Variants in XXYLT1 observed in about 807,000 individuals in gnomAD.
The protein encoded by XXYLT1 is UDP-xylose:alpha-xyloside alpha-1,3-xylosyltransferase.
XXYLT1 carries 20 observed loss-of-function variants against 28.9 expected under a neutral mutation model. The ratio of observed to expected loss-of-function variants is 0.69; its 90% CI spans 0.49 to 1.00. The LOEUF is 1.00. XXYLT1 is among the 50% of genes least tolerant of loss of function. The probability of loss-of-function intolerance (pLI) is 0.00; values close to 1 mark genes in which losing one functional copy is unlikely to be tolerated. For missense variants in XXYLT1, 542 were observed against 560.1 expected, an observed-to-expected ratio of 0.97 and a Z score of 0.33; for synonymous variants, 257 against 253.8, an observed-to-expected ratio of 1.01 and a Z score of -0.12.
chr3:195,222,375 T>C (rs975714846), intron 2 of XXYLT1, among the ~76,000 whole-genome samples: 3 of 152,194 alleles, frequency 2.0e-5, no homozygotes, highest in African/African-American at 7.2e-5. Context: ...AGGTGGCCCA[T>C]GTGAGAGGTC....
rs1455609505 is a variant in XXYLT1 at position 195,124,954 on chromosome 3, G to A, written c.785+31495C>T. Among the ~76,000 whole-genome samples the A allele has an allele frequency of 2.0e-5, 3 of 152,340 alleles. No homozygotes were observed. The highest frequency in any genetic ancestry group is 2.0e-4 in the Admixed American group (3 of 15,310). On this transcript the variant is annotated intron_variant, in intron 3 of 3. Coordinates refer to ENST00000310380, the MANE Select transcript of XXYLT1 (RefSeq NM_152531.5). The surrounding 1 kb of genome is among the most constrained non-coding windows in gnomAD (Gnocchi z 4.1). ...TTATTTGAAGGACAGAGGGAAAAGA[G>A]CAGTACGAATAAATGGCATCTCAGC...
At chr3:195,197,683 G>A (rs1040533078) in intron 2 of XXYLT1, among the ~76,000 whole-genome samples, 6 of 152,296 alleles carry the variant, frequency 3.9e-5, no homozygotes, top group South Asian at 2.1e-4. Flanking sequence ...TATATATCCC[G>A]TCCGCTCAGG....
chr3:195,105,315 C>T (rs1019490603), intron 3 of XXYLT1, among the ~76,000 whole-genome samples: 1 of 152,146 alleles, frequency 6.6e-6, no homozygotes, highest in African/African-American at 2.4e-5. Flanking sequence ...ACGAATTTTC[C>T]CTCTACTAAA....
At chr3:195,110,247 T>TGTGG (rs1560100511) in intron 3 of XXYLT1, among the ~76,000 whole-genome samples, 20 of 40,950 alleles carry the variant, frequency 4.9e-4, no homozygotes, top group Non-Finnish European at 6.9e-4. Flanking sequence ...TGTGCGTGTG[T>TGTGG]GGGTGAAGTG....
chr3:195,264,998 A>G (rs1725798011), intron 1 of XXYLT1, among the ~76,000 whole-genome samples: 1 of 152,092 alleles, frequency 6.6e-6, no homozygotes, highest in Admixed American at 6.5e-5. Context: ...TTGAAGCTAC[A>G]GTGAGCTGTG....
chr3:195,216,190 G>A lies in XXYLT1; in HGVS notation c.652+10519C>T, dbSNP rs867959754. 2.6e-3 allele frequency among the ~76,000 whole-genome samples: 397 copies of A among 151,944 alleles called. 3 individuals carry two copies. In the Middle Eastern group the frequency reaches 0.048, roughly 18 times the overall value. On this transcript the variant is annotated intron_variant, in intron 2 of 3. Coordinates refer to ENST00000310380, the MANE Select transcript of XXYLT1 (RefSeq NM_152531.5). ...TGTAGAGGGACATTTATAGCACTAA[G>A]TGCCCACAAGAGAAAGCAGGAAAGA...
chr3:195,081,203 G>A (rs1244603790), intron 3 of XXYLT1, among the ~76,000 whole-genome samples: 1 of 149,666 alleles, frequency 6.7e-6, no homozygotes, highest in Non-Finnish European at 1.5e-5. Flanking sequence ...AACGCTGCTG[G>A]TCCAAGAATC....
intron 3 of XXYLT1, among the ~76,000 whole-genome samples, chr3:195,082,199 A>C (rs1364351200): frequency 6.6e-6 from 1 of 152,206 alleles, no homozygotes; most frequent in East Asian, 1.9e-4. Context: ...TGTGTGTGTC[A>C]AGGGTGGCGG....
intron 3 of XXYLT1, chr3:195,146,685 T>C (rs561978981): frequency 1.3e-5 from 2 of 152,302 alleles, no homozygotes; most frequent in Admixed American, 1.3e-4. Context: ...TCTTAGCATT[T>C]TGAAGGCAGA....
intron 3 of XXYLT1, among the ~76,000 whole-genome samples, chr3:195,119,858 G>A (rs2108611768): frequency 7.3e-6 from 1 of 137,270 alleles, no homozygotes; most frequent in East Asian, 2.3e-4. Flanking sequence ...TGGGGAGCCT[G>A]TTCTGCAGTT....
chr3:195,246,832 G>A (rs764590330), intron 1 of XXYLT1, among the ~76,000 whole-genome samples: 5 of 152,070 alleles, frequency 3.3e-5, no homozygotes, highest in South Asian at 2.1e-4. Flanking sequence ...TCTTTAACAC[G>A]GTCTATCCAG....
At chr3:195,072,405 C>T (rs1400793618) in intron 3 of XXYLT1, among the ~76,000 whole-genome samples, 3 of 152,164 alleles carry the variant, frequency 2.0e-5, no homozygotes, top group Admixed American at 6.5e-5. Context: ...TCGGCAGGAA[C>T]GCTCCCAAAT....
In XXYLT1 at chr3:195,081,353, C is replaced by T. The variant is rs73890666; in HGVS notation, c.786-11242G>A. ...ACAGGTTCTATGCTAATACTTGTCC[C>T]GTCTTCTCCCTCTGTCACAGCGCTG... On this transcript the variant is annotated intron_variant, in intron 3 of 3. Coordinates refer to ENST00000310380, the MANE Select transcript of XXYLT1 (RefSeq NM_152531.5). Among the ~76,000 whole-genome samples, 1,444 of 152,296 alleles carry T rather than the reference C, an allele frequency of 9.5e-3. 19 individuals are homozygous for T. The highest frequency in any genetic ancestry group is 0.033 in the African/African-American group (1,368 of 41,554).
intron 3 of XXYLT1, among the ~76,000 whole-genome samples, chr3:195,138,325 C>A (rs1448435920): frequency 6.6e-6 from 1 of 152,148 alleles, no homozygotes; most frequent in Non-Finnish European, 1.5e-5. Flanking sequence ...CAGGCCCTAC[C>A]TAGACTGGAT....
chr3:195,208,817 G>A (rs577288710), intron 2 of XXYLT1, among the ~76,000 whole-genome samples: 42 of 152,198 alleles, frequency 2.8e-4, no homozygotes, highest in African/African-American at 8.4e-4. Context: ...GACAAAGAGC[G>A]TCCAGAGTCC....
intron 1 of XXYLT1, among the ~76,000 whole-genome samples, chr3:195,267,739 T>C (rs1465000708): frequency 6.6e-6 from 1 of 152,078 alleles, no homozygotes; most frequent in African/African-American, 2.4e-5. Flanking sequence ...AAGTGTGTAA[T>C]GGGGGCTCAG....
chr3:195,238,230 T>C (rs73069007), intron 1 of XXYLT1, among the ~76,000 whole-genome samples: 5,574 of 152,180 alleles, frequency 0.037, 287 homozygotes, highest in African/African-American at 0.12. Context: ...ACCTACATCC[T>C]TGCATGCCTG....
chr3:195,209,568 G>A lies in XXYLT1; in HGVS notation c.652+17141C>T, dbSNP rs1328543954. The stretch of plus-strand genomic sequence containing the variant: ...TGGGCCCTCCTGACAGGCAGAGCCG[G>A]TGACAGGGCTCGGGCGAGGCCTTCA... On this transcript the variant is annotated intron_variant, in intron 2 of 3. Coordinates refer to ENST00000310380, the MANE Select transcript of XXYLT1 (RefSeq NM_152531.5). The surrounding 1 kb of genome is among the most constrained non-coding windows in gnomAD (Gnocchi z 5.0). 2 of 152,508 alleles carry A rather than the reference G, an allele frequency of 1.3e-5. No homozygotes were observed. Among genetic ancestry groups the A allele is most frequent in the Non-Finnish European group, 2.9e-5 (2 of 68,242 alleles). 9.4% of individuals were successfully genotyped at this position (152,508 alleles called of 1,614,324 possible).
intron 1 of XXYLT1, among the ~76,000 whole-genome samples, chr3:195,260,783 A>T (rs1461715957): frequency 6.6e-6 from 1 of 152,180 alleles, no homozygotes; most frequent in Non-Finnish European, 1.5e-5. Flanking sequence ...TATCAGCTGG[A>T]CGGGGGACAC....
Sources: gnomAD v4.1 joint callset for allele counts (sites outside exome capture counted in the v4.1 genomes callset) on GRCh38, gnomAD v4.1.1 for gene constraint, Gnocchi (gnomAD v3.1) non-coding constraint, MANE v1.5 for transcripts, NCBI Gene and HGNC (gene_info 2026-07-23, HGNC 2026-07-21) for gene names.